The following RNF157 variants were observed in gnomAD, a reference collection of about 807,000 sequenced individuals.
The protein encoded by RNF157 is E3 ubiquitin ligase RNF157.
Under a neutral mutation model 88.3 loss-of-function variants are expected in RNF157, and 55 were observed. The ratio of observed to expected loss-of-function variants is 0.62; its 90% CI spans 0.50 to 0.78. The LOEUF is 0.78. Ranked by LOEUF, RNF157 falls within the 30% of genes least tolerant of loss-of-function variation. RNF157 has a pLI of 0.00. For missense variants in RNF157, 788 were observed against 860.8 expected (o/e 0.92, Z 1.06); for synonymous variants, 334 against 341.2 (o/e 0.98, Z 0.23).
intron 12 of RNF157, 27 bp downstream of exon 12, chr17:76,159,308 C>A: frequency 1.3e-6 from 2 of 1,573,850 alleles, no homozygotes; most frequent in Non-Finnish European, 1.7e-6. Flanking sequence ...ATTCCGGGGG[C>A]AACAGTGTGG....
rs2145060941 is a variant in RNF157 at position 76,225,668 on chromosome 17, C to T, written c.89-13186G>A. The T allele has an allele frequency of 2.6e-6, 3 of 1,167,434 alleles. No individual in the cohort carries two copies. The South Asian group carries it at 6.0e-5, about 23-fold the overall frequency. 72.3% of individuals were successfully genotyped at this position (1,167,434 alleles called of 1,614,324 possible). On this transcript the variant is annotated intron_variant, in intron 1 of 18. Transcript: ENST00000269391. The stretch of plus-strand genomic sequence containing the variant: ...GTGGCCAAATAATATGTATTTTTTT[C>T]CCTACAAAATAATTTATTGGAACAC...
At chr17:76,226,725 C>T in intron 1 of RNF157, 3 of 1,611,242 alleles carry the variant, frequency 1.9e-6, no homozygotes, top group Non-Finnish European at 1.7e-6. Flanking sequence ...ATGCTTTCTT[C>T]AGCCCCCAAA....
At chr17:76,151,561 G>A (rs540945347) in intron 18 of RNF157, among the ~76,000 whole-genome samples, 11 of 152,342 alleles carry the variant, frequency 7.2e-5, no homozygotes, top group African/African-American at 2.6e-4. Flanking sequence ...AACCCGGAGG[G>A]GACATTTGAC....
chr17:76,188,367 T>C (rs897993604), intron 2 of RNF157, among the ~76,000 whole-genome samples: 4 of 152,176 alleles, frequency 2.6e-5, no homozygotes, highest in African/African-American at 7.2e-5. Flanking sequence ...ATTTTCCTTA[T>C]TCTCAGCAAC....
chr17:76,186,522 A>G (rs988242931), intron 2 of RNF157, among the ~76,000 whole-genome samples: 5 of 151,936 alleles, frequency 3.3e-5, no homozygotes, highest in Non-Finnish European at 7.4e-5. Flanking sequence ...CAAAAAACAA[A>G]ACGAAACAAA....
chr17:76,187,309 G>A (rs1404029472), intron 2 of RNF157, among the ~76,000 whole-genome samples: 4 of 151,498 alleles, frequency 2.6e-5, no homozygotes, highest in East Asian at 2.0e-4. Flanking sequence ...TCAGTCTCCC[G>A]AGTAGCTGGG....
chr17:76,212,371 G>A lies in RNF157; in HGVS notation c.200C>T (p.Pro67Leu), dbSNP rs1298535994. 1 of 1,606,048 alleles carries A rather than the reference G, an allele frequency of 6.2e-7. No homozygotes were observed. Among genetic ancestry groups the A allele is most frequent in the Non-Finnish European group, 8.5e-7 (1 of 1,172,762 alleles). The part of the protein sequence containing the change: ...NSDLNFLGNR[P>L]VVFPYAAPPP... ...AACTGATTACAGCCATACCACAACT[G>A]GTCTGTTCCCCAGAAAGTTCAGATC... The change falls in exon 2 of 19, where the codon CCA becomes CTA. Residue 67 changes from proline (P) to leucine (L), a missense_variant. Pro to Leu is a moderately conservative substitution (Grantham distance 98). Coordinates refer to ENST00000269391, the MANE Select transcript of RNF157 (RefSeq NM_052916.3).
intron 9 of RNF157, chr17:76,162,252 C>T: frequency 1.7e-6 from 1 of 575,360 alleles, no homozygotes; most frequent in Non-Finnish European, 3.1e-6. Flanking sequence ...AGAGCTGGGC[C>T]TCTCAAATCT....
At chr17:76,218,444 C>T (rs949054673) in intron 1 of RNF157, among the ~76,000 whole-genome samples, 1 of 152,098 alleles carries the variant, frequency 6.6e-6, no homozygotes, top group Admixed American at 6.6e-5. Flanking sequence ...AGTTCAAGAT[C>T]AGCCTGGGCA....
At chr17:76,222,060 G>T (rs577296568) in intron 1 of RNF157, among the ~76,000 whole-genome samples, 10 of 152,330 alleles carry the variant, frequency 6.6e-5, no homozygotes, top group African/African-American at 2.4e-4. Flanking sequence ...ATTTTGAGGT[G>T]ATAAAAATGT....
intron 7 of RNF157, 23 bp downstream of exon 7, chr17:76,165,479 C>T (rs773959869): frequency 9.3e-6 from 15 of 1,612,826 alleles, no homozygotes; most frequent in South Asian, 2.2e-5. Context: ...GGCAATAAAG[C>T]GAGGCCCTCT....
At position 76,212,398 on chromosome 17, in the gene RNF157, C is replaced by T. The variant is rs1194903176; in HGVS notation, c.173G>A (p.Ser58Asn). The stretch of plus-strand genomic sequence containing the variant: ...TCTGTTCCCCAGAAAGTTCAGATCG[C>T]TGTTCTCTCCAAACAGGTAACCTTC... The part of the protein sequence containing the change: ...HPEGYLFGEN[S>N]DLNFLGNRPV... Residue 58 changes from serine to asparagine, a missense_variant, in exon 2 of 19, where the codon AGC becomes AAC. Coordinates refer to ENST00000269391, the MANE Select transcript of RNF157 (RefSeq NM_052916.3). The T allele has an allele frequency of 1.2e-6, 2 of 1,613,954 alleles. No homozygotes were observed. Among genetic ancestry groups the T allele is most frequent in the Non-Finnish European group, 8.5e-7 (1 of 1,179,820 alleles).
At chr17:76,164,376 A>C (rs1452578403) in intron 8 of RNF157, 1 of 164,458 alleles carries the variant, frequency 6.1e-6, no homozygotes, top group Non-Finnish European at 1.3e-5. Flanking sequence ...TTTCGCTTGA[A>C]ATGTTTCTCA....
chr17:76,206,200 C>G (rs2069679511), intron 2 of RNF157, among the ~76,000 whole-genome samples: 1 of 151,942 alleles, frequency 6.6e-6, no homozygotes, highest in African/African-American at 2.4e-5. Context: ...CACTGTACCT[C>G]AGCTTGGGCA....
chr17:76,233,168 C>T (rs1397950921), intron 1 of RNF157, among the ~76,000 whole-genome samples: 2 of 152,162 alleles, frequency 1.3e-5, no homozygotes, highest in African/African-American at 2.4e-5. Context: ...GACCCACCTG[C>T]CTCAGCCTCC....
intron 1 of RNF157, among the ~76,000 whole-genome samples, chr17:76,230,886 AAG>A (rs1423717555): frequency 8.9e-6 from 1 of 112,356 alleles, no homozygotes; most frequent in African/African-American, 4.6e-5. Context: ...GAGAAAGAGA[AAG>A]AGAGAAAGAG....
intron 1 of RNF157, among the ~76,000 whole-genome samples, chr17:76,230,254 C>T (rs753962370): frequency 1.3e-5 from 2 of 152,040 alleles, no homozygotes; most frequent in Non-Finnish European, 2.9e-5. Flanking sequence ...GTCTAATTTC[C>T]CCGGATCTTG....
rs749642516 is a variant in RNF157 at position 76,240,170 on chromosome 17, C to G, written c.71G>C (p.Arg24Pro). The G allele has an allele frequency of 7.2e-7, 1 of 1,380,740 alleles. No individual in the cohort carries two copies. Among genetic ancestry groups the G allele is most frequent in the Non-Finnish European group, 9.5e-7 (1 of 1,052,844 alleles). 85.5% of individuals were successfully genotyped at this position (1,380,740 alleles called of 1,614,324 possible). The stretch of plus-strand genomic sequence containing the variant: ...GCCCTCACCGGACTTGGGCGGGTAG[C>G]GGTACACGGAATTAGACGGGATGTC... ...EVDIPSNSVY[R>P]YPPKSGSYFA... is the part of the protein sequence containing the mutation. Residue 24 changes from arginine to proline, a missense_variant, in exon 1 of 19, where the codon CGC becomes CCC. By Grantham distance (103) the Arg-to-Pro change is moderately radical (BLOSUM62 -2). Coordinates refer to ENST00000269391, the MANE Select transcript of RNF157 (RefSeq NM_052916.3). This position sits in a 1 kb window ranked among gnomAD's most constrained non-coding sequence, Gnocchi z 4.4.
rs1394926985 is a variant in RNF157 at position 76,158,441 on chromosome 17, C to CTCGCTGCAGGAATGCTCA, written c.1347_1364dup (p.Asp449_Ser454dup). On this transcript the variant is annotated inframe_insertion, in exon 13 of 19. Coordinates refer to ENST00000269391, the MANE Select transcript of RNF157 (RefSeq NM_052916.3). ...GTCTCTGAGAGAGCTGTGTCTCCGA[C>CTCGCTGCAGGAATGCTCA]TCGCTGCAGGAATGCTCATCTTCCT... The CTCGCTGCAGGAATGCTCA allele has an allele frequency of 1.2e-6, 2 of 1,614,004 alleles. No individual in the cohort carries two copies. The highest frequency in any genetic ancestry group is 1.7e-6 in the Non-Finnish European group (2 of 1,179,948).
Sources: allele counts gnomAD v4.1 joint callset (sites outside exome capture counted in the v4.1 genomes callset), GRCh38; gene constraint gnomAD v4.1.1; non-coding constraint Gnocchi (gnomAD v3.1); transcripts MANE v1.5; gene names NCBI Gene and HGNC (gene_info 2026-07-23, HGNC 2026-07-21).